MYO16: variants seen among roughly 807,000 people sequenced by gnomAD.
MYO16 encodes myosin XVI, also known as unconventional myosin-XVI.
A neutral mutation model predicts 205.3 loss-of-function variants in MYO16; 94 were observed. The ratio of observed to expected loss-of-function variants is 0.46; its 90% CI spans 0.39 to 0.54. The LOEUF (loss-of-function observed/expected upper bound fraction) is 0.54. Among genes scored for constraint, MYO16 ranks in the 20% least tolerant of loss-of-function variants. MYO16 has a pLI of 0.00. For missense variants in MYO16, 2,315 were observed against 2,387.5 expected (o/e 0.97, Z 0.63); for synonymous variants, 988 against 954.0 (o/e 1.04, Z -0.66).
intron 28 of MYO16, 70 bp downstream of exon 28, chr13:109,100,957 AG>A: frequency 7.4e-7 from 1 of 1,360,516 alleles, no homozygotes; most frequent in South Asian, 1.2e-5. Context: ...CATTGCAGGG[AG>A]CCACCAGAAT....
upstream of MYO16, among the ~76,000 whole-genome samples, chr13:108,628,765 G>A (rs1285292129): frequency 6.6e-6 from 1 of 152,158 alleles, no homozygotes; most frequent in African/African-American, 2.4e-5. Context: ...TACTGCCACA[G>A]AAGGATGGGT....
At chr13:108,954,359 G>GA (rs1298746058) in intron 16 of MYO16, among the ~76,000 whole-genome samples, 1 of 152,044 alleles carries the variant, frequency 6.6e-6, no homozygotes, top group Non-Finnish European at 1.5e-5. Context: ...AAGTAAGTCA[G>GA]AAAAAAAGAG....
rs145788881 is a variant in MYO16 at position 108,701,657 on chromosome 13, G to T, written c.293-11004G>T. ...CATAGTTGTCAACAAAAAATTATGA[G>T]ATATTCAAATAAACAAGAAAGTGTG... On this transcript the variant is annotated intron_variant, in intron 2 of 34. Coordinates refer to ENST00000457511, the MANE Select transcript of MYO16 (RefSeq NM_001198950.3). Among the ~76,000 whole-genome samples, 342 of 152,170 alleles carry T rather than the reference G, an allele frequency of 2.2e-3. 2 individuals carry two copies. The highest frequency in any genetic ancestry group is 7.9e-3 in the African/African-American group (329 of 41,522).
At chr13:108,988,026 ACTAT>A (rs1387355118) in intron 20 of MYO16, among the ~76,000 whole-genome samples, 1 of 152,234 alleles carries the variant, frequency 6.6e-6, no homozygotes, top group Admixed American at 6.5e-5. Context: ...AGTTTTGTTA[ACTAT>A]CAAGAAAGCT....
At chr13:108,600,870 A>G (rs554518083) in intron 1 of MYO16, among the ~76,000 whole-genome samples, 1 of 152,184 alleles carries the variant, frequency 6.6e-6, no homozygotes, top group East Asian at 1.9e-4. Flanking sequence ...TTAAAAGTAA[A>G]TAAGCTTTTC....
chr13:108,981,439 TTC>T (rs1260992310), intron 20 of MYO16, among the ~76,000 whole-genome samples: 1 of 152,274 alleles, frequency 6.6e-6, no homozygotes, highest in African/African-American at 2.4e-5. Context: ...AAGAGGTTAA[TTC>T]TTTTTCCTTT....
intron 8 of MYO16, among the ~76,000 whole-genome samples, chr13:108,822,766 T>C (rs999190666): frequency 6.6e-6 from 1 of 152,124 alleles, no homozygotes; most frequent in African/African-American, 2.4e-5. Context: ...TGTAACTCTT[T>C]CTGTAATTTT....
chr13:108,563,733 A>G, the MYO16 span, among the ~76,000 whole-genome samples: 16 of 152,138 alleles, frequency 1.1e-4, no homozygotes, highest in African/African-American at 3.9e-4. Flanking sequence ...TTCTTTACCC[A>G]TTCATCTGTT....
At chr13:109,148,270 T>C (rs1877450598) in intron 32 of MYO16, among the ~76,000 whole-genome samples, 1 of 152,236 alleles carries the variant, frequency 6.6e-6, no homozygotes, top group South Asian at 2.1e-4. Context: ...TGCCTAAGGA[T>C]TTGTTGTGAA....
At chr13:109,145,093 C>T (rs1366957182) in intron 32 of MYO16, among the ~76,000 whole-genome samples, 7 of 152,344 alleles carry the variant, frequency 4.6e-5, no homozygotes, top group Middle Eastern at 3.4e-3. Flanking sequence ...GATGTGACTG[C>T]AGTCTGAGAA....
At chr13:108,735,865 G>C (rs1297069185) in intron 4 of MYO16, among the ~76,000 whole-genome samples, 1 of 152,040 alleles carries the variant, frequency 6.6e-6, no homozygotes, top group Non-Finnish European at 1.5e-5. Context: ...TCTCATTGTG[G>C]TTTTGATTTG....
intron 2 of MYO16, among the ~76,000 whole-genome samples, chr13:108,707,691 G>A (rs137856445): frequency 2.3e-4 from 35 of 152,272 alleles, no homozygotes; most frequent in African/African-American, 7.5e-4. Flanking sequence ...TCAAGTCTTT[G>A]CCACTTACTA....
Position 108,816,544 on chromosome 13 carries a change from C to T in MYO16, c.868-3793C>T, listed in dbSNP as rs149423556. On this transcript the variant is annotated intron_variant, in intron 7 of 34. Transcript: ENST00000457511. Reference sequence around the variant, plus strand: ...TAAGCTGTTTTTCTTGCTGTGCAACCGCAAGGTCACACGATCCATAAGCAT... The same window carrying T: ...TAAGCTGTTTTTCTTGCTGTGCAACTGCAAGGTCACACGATCCATAAGCAT... Among the ~76,000 whole-genome samples, 15 of 152,186 alleles carry T rather than the reference C, an allele frequency of 9.9e-5. 1 individual carries two copies. The South Asian group carries it at 1.0e-3, about 11-fold the overall frequency.
chr13:108,750,159 A>T (rs1403062329), intron 4 of MYO16, among the ~76,000 whole-genome samples: 1 of 152,204 alleles, frequency 6.6e-6, no homozygotes, highest in Non-Finnish European at 1.5e-5. Context: ...GGGCAGTAAA[A>T]CTAGTCTGTA....
At chr13:108,803,112 T>G (rs529391188) in intron 6 of MYO16, among the ~76,000 whole-genome samples, 1 of 152,314 alleles carries the variant, frequency 6.6e-6, no homozygotes, top group African/African-American at 2.4e-5. Context: ...TAATTTAAAG[T>G]TAGAAAAACC....
chr13:108,883,456 C>T (rs1879715166), intron 13 of MYO16, among the ~76,000 whole-genome samples: 1 of 152,064 alleles, frequency 6.6e-6, no homozygotes, highest in Non-Finnish European at 1.5e-5. Context: ...AAAGTTTTTG[C>T]TTTTGAACCT....
intron 2 of MYO16, among the ~76,000 whole-genome samples, chr13:108,707,047 G>A (rs1326030292): frequency 6.6e-6 from 1 of 152,126 alleles, no homozygotes; most frequent in Non-Finnish European, 1.5e-5. Flanking sequence ...ACAGTCTTGA[G>A]CATCCTGTGA....
At chr13:108,776,782 G>A (rs61968773) in intron 4 of MYO16, among the ~76,000 whole-genome samples, 21,375 of 152,118 alleles carry the variant, frequency 0.14, 1,596 homozygotes, top group Middle Eastern at 0.24. Context: ...GCATTAACCC[G>A]TTTTATCTTC....
Position 109,055,660 on chromosome 13 carries a change from C to A in MYO16, c.3335+65C>A. The stretch of plus-strand genomic sequence containing the variant: ...GTTCAGTGCAGTGTACTGACACTGA[C>A]ACTATTGTAGCAAGGGTCTTCTGTT... On this transcript the variant is annotated intron_variant, in intron 27 of 34. Transcript: ENST00000457511. This position sits in a 1 kb window ranked among gnomAD's most constrained non-coding sequence, Gnocchi z 5.0. The A allele has an allele frequency of 7.3e-7, 1 of 1,376,896 alleles. No homozygotes were observed. The highest frequency in any genetic ancestry group is 1.0e-6 in the Non-Finnish European group (1 of 979,212). The allele number at this position is 1,376,896 out of a possible 1,614,324, so 85.3% of individuals were successfully genotyped here. A position where few individuals can be genotyped will look rare whatever the true frequency, so the allele number is the denominator to read the frequency against.
Sources: gnomAD v4.1 joint callset for allele counts (sites outside exome capture counted in the v4.1 genomes callset) on GRCh38, gnomAD v4.1.1 for gene constraint, Gnocchi (gnomAD v3.1) non-coding constraint, MANE v1.5 for transcripts, NCBI Gene and HGNC (gene_info 2026-07-23, HGNC 2026-07-21) for gene names.